PCK2: variants seen among roughly 807,000 people sequenced by gnomAD.
PCK2 encodes the protein phosphoenolpyruvate carboxykinase [GTP], mitochondrial.
Under a neutral mutation model 65.9 loss-of-function variants are expected in PCK2, and 56 were observed. That is an observed-to-expected ratio of 0.85 (90% CI 0.69 to 1.06). The LOEUF is 1.06. Among genes scored for constraint, PCK2 ranks in the 50% least tolerant of loss-of-function variants. The probability of loss-of-function intolerance (pLI) is 0.00; values close to 1 mark genes in which losing one functional copy is unlikely to be tolerated. For synonymous variants in PCK2, 305 were observed against 319.6 expected (o/e 0.95, Z 0.49); for missense variants, 843 against 863.1 (o/e 0.98, Z 0.29).
rs201353531 is a variant in PCK2 at position 24,098,658 on chromosome 14, G to A, written c.644G>A (p.Gly215Asp). ...GDFVKCLHSV[G>D]QPLTGQGEPV... is the part of the protein sequence containing the mutation. ...TTTGTCAAGTGTCTGCACTCCGTGG[G>A]CCAGCCCCTGACAGGACAAGGTAAG... The change falls in exon 4 of 10, where the codon GGC becomes GAC. Residue 215 changes from glycine to aspartate, a missense_variant. By Grantham distance (94) the Gly-to-Asp change is moderately conservative (BLOSUM62 -1). Coordinates refer to ENST00000216780, the MANE Select transcript of PCK2 (RefSeq NM_004563.4). The A allele has an allele frequency of 2.0e-4, 325 of 1,613,648 alleles. No individual in the cohort carries two copies. Among genetic ancestry groups the A allele is most frequent in the Middle Eastern group, 3.3e-4 (2 of 6,046 alleles).
At chr14:24,095,082 G>A (rs2036805465) in intron 1 of PCK2, 2 of 456,100 alleles carry the variant, frequency 4.4e-6, no homozygotes, top group Non-Finnish European at 8.8e-6. Context: ...CCCCAGGCTC[G>A]TCCTGTTTGT....
rs2036774281 is a variant in PCK2 at position 24,094,627 on chromosome 14, C to T, written c.29+193C>T. On this transcript the variant is annotated intron_variant, in intron 1 of 9. Coordinates refer to ENST00000216780, the MANE Select transcript of PCK2 (RefSeq NM_004563.4). The surrounding 1 kb of genome is among the most constrained non-coding windows in gnomAD (Gnocchi z 4.1). ...GGGAGGGCAGCCGGCCGGTGCTCCT[C>T]GTTTCCGCCTGCACCTCCCCTTCTC... 1.4e-6 allele frequency: 2 copies of T among 1,473,842 alleles called. No individual in the cohort carries two copies. Among genetic ancestry groups the T allele is most frequent in the African/African-American group, 2.8e-5 (2 of 71,570 alleles). The allele number at this position is 1,473,842 out of a possible 1,614,324, so 91.3% of individuals were successfully genotyped here. A position where few individuals can be genotyped will look rare whatever the true frequency, so the allele number is the denominator to read the frequency against.
In PCK2 at chr14:24,094,730, G is replaced by A. The variant is rs1260773733; in HGVS notation, c.29+296G>A. The A allele has an allele frequency of 6.7e-7, 1 of 1,490,828 alleles. No homozygotes were observed. 92.3% of individuals were successfully genotyped at this position (1,490,828 alleles called of 1,614,324 possible). A position where few individuals can be genotyped will look rare whatever the true frequency, so the allele number is the denominator to read the frequency against. ...CTCTCTCTCCTCGCTCCTCTCTGCT[G>A]AGCCAGGTCTCCGCATATCCTCCTT... On this transcript the variant is annotated intron_variant, in intron 1 of 9. Coordinates refer to ENST00000216780, the MANE Select transcript of PCK2 (RefSeq NM_004563.4). This position sits in a 1 kb window ranked among gnomAD's most constrained non-coding sequence, Gnocchi z 4.1.
intron 7 of PCK2, chr14:24,100,596 G>T: frequency 1.9e-6 from 2 of 1,077,230 alleles, no homozygotes; most frequent in Non-Finnish European, 2.3e-6. Flanking sequence ...GAAAGGAAAA[G>T]GAAGGACTTT....
Position 24,103,522 on chromosome 14 carries a change from T to C in PCK2, c.1481T>C (p.Met494Thr), listed in dbSNP as rs769479322. Residue 494 changes from methionine (M) to threonine (T), a missense_variant, in exon 10 of 10, where the codon ATG becomes ACG. Met to Thr is a moderately conservative substitution (Grantham distance 81, BLOSUM62 -1). Transcript: ENST00000216780. The stretch of plus-strand genomic sequence containing the variant: ...GCTTCCCCCCCAGGGAAGATCATCA[T>C]GCACGACCCATTTGCCATGCGGCCC... ...AAAEHKGKII[M>T]HDPFAMRPFF... 8.4e-6 allele frequency: 13 copies of C among 1,553,832 alleles called. No individual in the cohort carries two copies. In the South Asian group the frequency reaches 1.1e-4, roughly 13 times the overall value.
At chr14:24,095,915 A>G (rs565008284) in intron 1 of PCK2, among the ~76,000 whole-genome samples, 2 of 152,258 alleles carry the variant, frequency 1.3e-5, no homozygotes, top group Admixed American at 1.3e-4. Flanking sequence ...ATTTTATGCA[A>G]CCATTGTTGG....
Position 24,094,363 on chromosome 14 carries a change from T to G in PCK2, c.-43T>G, listed in dbSNP as rs1190991297. ...TCCCCGCCTTCCATACCTCCCCGGCTCCGCTCGGTTCCTGGCCACCCCGCA... is the reference window on the plus strand; with the variant it reads ...TCCCCGCCTTCCATACCTCCCCGGCGCCGCTCGGTTCCTGGCCACCCCGCA... On this transcript the variant is annotated 5_prime_UTR_variant, in exon 1 of 10. Coordinates refer to ENST00000216780, the MANE Select transcript of PCK2 (RefSeq NM_004563.4). This position sits in a 1 kb window ranked among gnomAD's most constrained non-coding sequence, Gnocchi z 4.1. The G allele has an allele frequency of 6.6e-7, 1 of 1,523,940 alleles. No individual in the cohort carries two copies. The highest frequency in any genetic ancestry group is 1.4e-5 in the African/African-American group (1 of 71,300). The allele number at this position is 1,523,940 out of a possible 1,614,324, so 94.4% of individuals were successfully genotyped here.
At chr14:24,095,405 C>T (rs565784181) in intron 1 of PCK2, 12 of 371,580 alleles carry the variant, frequency 3.2e-5, no homozygotes, top group Non-Finnish European at 5.9e-5. Flanking sequence ...TCCCCTGCCC[C>T]TGGGGCCACA....
At position 24,103,504 on chromosome 14, in the gene PCK2, C is replaced by A. The variant is rs371173730; in HGVS notation, c.1469-6C>A. 1.9e-6 allele frequency: 3 copies of A among 1,541,826 alleles called. No homozygotes were observed. Among genetic ancestry groups the A allele is most frequent in the Admixed American group, 2.0e-5 (1 of 50,892 alleles). On this transcript the variant is annotated splice_region_variant and splice_polypyrimidine_tract_variant and intron_variant, in intron 9 of 9. Transcript: ENST00000216780. ...AGATTCCTTACCCATCTTGCTTCCC[C>A]CCCAGGGAAGATCATCATGCACGAC...
chr14:24,101,699 G>T (rs1214206295), intron 7 of PCK2, among the ~76,000 whole-genome samples: 1 of 152,188 alleles, frequency 6.6e-6, no homozygotes. Context: ...GAGGCAGTTG[G>T]ATCACCTGAG....
Position 24,096,827 on chromosome 14 carries a change from T to C in PCK2, c.30-65T>C, listed in dbSNP as rs2036905847. On this transcript the variant is annotated intron_variant, in intron 1 of 9. Coordinates refer to ENST00000216780, the MANE Select transcript of PCK2 (RefSeq NM_004563.4). Reference sequence around the variant, plus strand: ...GGCTGCAGCCCAAGCTTTCTGTCTCTCCACCACCTGCCTTGTCCACTCTCG... The same window carrying C: ...GGCTGCAGCCCAAGCTTTCTGTCTCCCCACCACCTGCCTTGTCCACTCTCG... 10 of 1,474,108 alleles carry C rather than the reference T, an allele frequency of 6.8e-6. No homozygotes were observed. In the African/African-American group the frequency reaches 6.9e-5, roughly 10 times the overall value. 91.3% of individuals were successfully genotyped at this position (1,474,108 alleles called of 1,614,324 possible).
rs201496467 is a variant in PCK2 at position 24,103,836 on chromosome 14, C to T, written c.1795C>T (p.Pro599Ser). Residue 599 changes from proline to serine, a missense_variant, in exon 10 of 10, where the codon CCC (proline) becomes TCC (serine). Pro to Ser is a moderately conservative substitution (Grantham distance 74, BLOSUM62 -1). Transcript: ENST00000216780. ...AIDTTQLFSL[P>S]KDFWEQEVRD... ...AGACACCACTCAGCTGTTCTCCCTC[C>T]CCAAGGACTTCTGGGAACAGGAGGT... 394 of 1,614,140 alleles carry T rather than the reference C, an allele frequency of 2.4e-4. 7 individuals are homozygous for T. The South Asian group carries it at 4.1e-3, about 17-fold the overall frequency.
rs748221127 is a variant in PCK2 at position 24,103,790 on chromosome 14, TCTCAGCGGCCTCAGAGCTATAGACACCA to T, written c.1756_1783del (p.Gly586CysfsTer20). Reference sequence around the variant, plus strand: ...TGGTGCCAAAGGAAGGAGCCTTGGATCTCAGCGGCCTCAGAGCTATAGACACCACTCAGCTGTTCTCCCTCCCCAAGGA... The same window carrying T: ...TGGTGCCAAAGGAAGGAGCCTTGGATCTCAGCTGTTCTCCCTCCCCAAGGA... On this transcript the variant is annotated frameshift_variant, in exon 10 of 10. Transcript: ENST00000216780. LOFTEE classifies it high-confidence loss of function. 6.2e-7 allele frequency: 1 copy of T among 1,614,124 alleles called. No individual in the cohort carries two copies. The highest frequency in any genetic ancestry group is 2.2e-5 in the East Asian group (1 of 44,876).
rs1325342569 is a variant in PCK2 at position 24,094,702 on chromosome 14, T to C, written c.29+268T>C. 5 of 1,512,188 alleles carry C rather than the reference T, an allele frequency of 3.3e-6. No individual in the cohort carries two copies. In the East Asian group the frequency reaches 1.0e-4, roughly 31 times the overall value. The allele number at this position is 1,512,188 out of a possible 1,614,324, so 93.7% of individuals were successfully genotyped here. Reference sequence around the variant, plus strand: ...GATCTCTATCTGCCACTCTCAGAACTTCCTCTCTCTCCTCGCTCCTCTCTG... The same window carrying C: ...GATCTCTATCTGCCACTCTCAGAACCTCCTCTCTCTCCTCGCTCCTCTCTG... On this transcript the variant is annotated intron_variant, in intron 1 of 9. Coordinates refer to ENST00000216780, the MANE Select transcript of PCK2 (RefSeq NM_004563.4). This position sits in a 1 kb window ranked among gnomAD's most constrained non-coding sequence, Gnocchi z 4.1.
rs1325731573 is a variant in PCK2, at chr14:24,094,723, C to T, written c.29+289C>T. On this transcript the variant is annotated intron_variant, in intron 1 of 9. Coordinates refer to ENST00000216780, the MANE Select transcript of PCK2 (RefSeq NM_004563.4). This position sits in a 1 kb window ranked among gnomAD's most constrained non-coding sequence, Gnocchi z 4.1. ...GAACTTCCTCTCTCTCCTCGCTCCT[C>T]TCTGCTGAGCCAGGTCTCCGCATAT... 1 of 1,497,548 alleles carries T rather than the reference C, an allele frequency of 6.7e-7. No homozygotes were observed. Among genetic ancestry groups the T allele is most frequent in the Non-Finnish European group, 8.9e-7 (1 of 1,122,716 alleles). The allele number at this position is 1,497,548 out of a possible 1,614,324, so 92.8% of individuals were successfully genotyped here.
chr14:24,099,216 T>C lies in PCK2; in HGVS notation c.832T>C (p.Trp278Arg), dbSNP rs1448614756. 6.3e-7 allele frequency: 1 copy of C among 1,597,780 alleles called. No individual in the cohort carries two copies. Among genetic ancestry groups the C allele is most frequent in the African/African-American group, 1.3e-5 (1 of 74,830 alleles). ...CTCTCGGCTGGCCCGGGATGAGGGC[T>C]GGCTGGCAGAGCACATGCTGGTGAG... The part of the protein sequence containing the change: ...IASRLARDEG[W>R]LAEHMLILGI... Residue 278 changes from tryptophan to arginine, a missense_variant, in exon 5 of 10, where the codon TGG becomes CGG. Transcript: ENST00000216780.
At chr14:24,099,295 C>G (rs543659783) in intron 5 of PCK2, 59 bp downstream of exon 5, 3 of 1,491,248 alleles carry the variant, frequency 2.0e-6, no homozygotes, top group Non-Finnish European at 2.7e-6. Context: ...TGGGGCCTGG[C>G]CAGTCTGCCT....
In PCK2 at chr14:24,098,220, AC is replaced by A. The variant is rs1471234496; in HGVS notation, c.297del (p.Lys100ArgfsTer6). On this transcript the variant is annotated frameshift_variant, in exon 3 of 10. Transcript: ENST00000216780. LOFTEE classifies it high-confidence loss of function. ...TCCCCCAGCTGGCTGGCCCGCACAGACCCCAAGGATGTGGCACGAGTAGAGA... is the reference window on the plus strand; with the variant it reads ...TCCCCCAGCTGGCTGGCCCGCACAGACCCAAGGATGTGGCACGAGTAGAGA... ...KYNNCWLART[D>X]PKDVARVESK... The A allele has an allele frequency of 3.1e-6, 5 of 1,610,874 alleles. No individual in the cohort carries two copies. In the African/African-American group the frequency reaches 6.7e-5, roughly 22 times the overall value.
chr14:24,098,261 G>T lies in PCK2; in HGVS notation c.334G>T (p.Val112Leu), dbSNP rs753234715. ...ACGAGTAGAGAGCAAGACGGTGATT[G>T]TAACTCCTTCTCAGCGGGACACGGT... ...VARVESKTVI[V>L]TPSQRDTVPL... The change falls in exon 3 of 10, where the codon GTA (valine) becomes TTA (leucine). Residue 112 changes from valine (V) to leucine (L), a missense_variant. Transcript: ENST00000216780. The T allele has an allele frequency of 7.4e-6, 12 of 1,614,010 alleles. No individual in the cohort carries two copies. Among genetic ancestry groups the T allele is most frequent in the Middle Eastern group, 1.6e-4 (1 of 6,084 alleles).
Sources: gnomAD v4.1 joint callset for allele counts (sites outside exome capture counted in the v4.1 genomes callset) on GRCh38, gnomAD v4.1.1 for gene constraint, Gnocchi (gnomAD v3.1) non-coding constraint, MANE v1.5 for transcripts, NCBI Gene and HGNC (gene_info 2026-07-23, HGNC 2026-07-21) for gene names.